The following SH3BGRL2 variants were observed in gnomAD, a reference collection of about 807,000 sequenced individuals.
The protein encoded by SH3BGRL2 is SH3 domain-binding glutamic acid-rich-like protein 2.
Under a neutral mutation model 14.8 loss-of-function variants are expected in SH3BGRL2, and 21 were observed. The observed-to-expected ratio is 1.42, with a 90% CI of 1.01 to 2.05. The LOEUF is 2.05. Among genes scored for constraint, SH3BGRL2 ranks in the 30% most tolerant of loss-of-function variants. SH3BGRL2 has a pLI of 0.00. For synonymous variants in SH3BGRL2, 50 were observed against 47.8 expected, an observed-to-expected ratio of 1.05 and a Z score of -0.19; for missense variants, 147 against 130.8, an observed-to-expected ratio of 1.12 and a Z score of -0.61.
chr6:79,610,896 G>A, the SH3BGRL2 span, among the ~76,000 whole-genome samples: 2 of 152,150 alleles, frequency 1.3e-5, no homozygotes, highest in Non-Finnish European at 2.9e-5. Flanking sequence ...GCCATATATG[G>A]CACATAGTAG....
the SH3BGRL2 span, chr6:79,575,134 C>A: frequency 1.3e-5 from 2 of 152,216 alleles, no homozygotes; most frequent in Non-Finnish European, 2.9e-5. Flanking sequence ...AGAACTACAG[C>A]CATCTCTCAT....
chr6:79,670,261 G>T (rs1248292908), intron 1 of SH3BGRL2, among the ~76,000 whole-genome samples: 2 of 152,210 alleles, frequency 1.3e-5, no homozygotes, highest in South Asian at 4.1e-4. Context: ...CAGTGGGCTG[G>T]ATTTGGGCCT....
chr6:79,581,724 C>T, the SH3BGRL2 span, among the ~76,000 whole-genome samples: 26 of 152,174 alleles, frequency 1.7e-4, no homozygotes, highest in East Asian at 1.7e-3. Context: ...CTTTGAAAAC[C>T]GGCACAAAAC....
chr6:79,682,276 T>C (rs976214171), intron 2 of SH3BGRL2, among the ~76,000 whole-genome samples: 6 of 152,202 alleles, frequency 3.9e-5, no homozygotes, highest in African/African-American at 1.4e-4. Flanking sequence ...ATTTGCTTTA[T>C]ATATTGCCTC....
chr6:79,538,867 T>C, the SH3BGRL2 span, among the ~76,000 whole-genome samples: 10 of 152,230 alleles, frequency 6.6e-5, no homozygotes, highest in African/African-American at 2.4e-4. Flanking sequence ...TTGTTTATAC[T>C]TGAGAAAGCA....
the SH3BGRL2 span, among the ~76,000 whole-genome samples, chr6:79,538,018 G>GTTTTTTTTTTTTTTTTTTTT: frequency 1.4e-4 from 6 of 44,146 alleles, 2 homozygotes; most frequent in Non-Finnish European, 2.5e-4. Context: ...TTGCACACAA[G>GTTTTTTTTTTTTTTTTTTTT]TTTTTTTTTT....
At chr6:79,539,243 G>C in the SH3BGRL2 span, among the ~76,000 whole-genome samples, 1 of 152,100 alleles carries the variant, frequency 6.6e-6, no homozygotes, top group Non-Finnish European at 1.5e-5. Context: ...CCCAAAATAT[G>C]AGAAAGCAGT....
At chr6:79,679,867 AT>A (rs1478465944) in intron 2 of SH3BGRL2, among the ~76,000 whole-genome samples, 1 of 152,190 alleles carries the variant, frequency 6.6e-6, no homozygotes, top group East Asian at 1.9e-4. Flanking sequence ...TTTGTTAGCC[AT>A]TTGTATATTA....
chr6:79,690,590 C>T (rs995267153), intron 2 of SH3BGRL2, among the ~76,000 whole-genome samples: 2 of 152,066 alleles, frequency 1.3e-5, no homozygotes, highest in Non-Finnish European at 2.9e-5. Flanking sequence ...TATTCTGATA[C>T]AGAAAGAAAG....
At chr6:79,681,775 C>T (rs1003224542) in intron 2 of SH3BGRL2, among the ~76,000 whole-genome samples, 1 of 151,932 alleles carries the variant, frequency 6.6e-6, no homozygotes, top group South Asian at 2.1e-4. Flanking sequence ...AGAACCTAAT[C>T]CCATTATTAC....
chr6:79,569,957 A>C, the SH3BGRL2 span, among the ~76,000 whole-genome samples: 1 of 152,182 alleles, frequency 6.6e-6, no homozygotes, highest in Non-Finnish European at 1.5e-5. Context: ...TGTCAATGGG[A>C]ACACGCAGAA....
At chr6:79,590,467 G>T in the SH3BGRL2 span, among the ~76,000 whole-genome samples, 2 of 63,402 alleles carry the variant, frequency 3.2e-5, 1 homozygote, top group East Asian at 1.5e-3. Context: ...ATATATATGC[G>T]CCATGGAATA....
At chr6:79,634,769 A>G (rs1328309460) in intron 1 of SH3BGRL2, among the ~76,000 whole-genome samples, 11 of 152,204 alleles carry the variant, frequency 7.2e-5, no homozygotes, top group Admixed American at 7.2e-4. Context: ...TTCTTGCAGG[A>G]ACATTCTTAC....
intron 1 of SH3BGRL2, among the ~76,000 whole-genome samples, chr6:79,670,962 A>T (rs553416937): frequency 6.6e-6 from 1 of 151,138 alleles, no homozygotes; most frequent in East Asian, 1.9e-4. Context: ...CATTGGTCAG[A>T]ACTGTGTCAT....
At chr6:79,681,060 C>A (rs1183984248) in intron 2 of SH3BGRL2, among the ~76,000 whole-genome samples, 1 of 152,120 alleles carries the variant, frequency 6.6e-6, no homozygotes, top group Admixed American at 6.5e-5. Flanking sequence ...AGAAAAAACA[C>A]AGTGGCTAAT....
the SH3BGRL2 span, among the ~76,000 whole-genome samples, chr6:79,570,708 GAGATA>G: frequency 3.3e-5 from 5 of 152,164 alleles, no homozygotes; most frequent in African/African-American, 4.8e-5. Context: ...TCCAAGGCTA[GAGATA>G]AGATGTTAAC....
At chr6:79,537,653 G>A in the SH3BGRL2 span, among the ~76,000 whole-genome samples, 2 of 152,210 alleles carry the variant, frequency 1.3e-5, no homozygotes, top group Non-Finnish European at 2.9e-5. Context: ...GGGCTGTGCG[G>A]TGCCAGGGCT....
chr6:79,646,081 T>A (rs1044899433), intron 1 of SH3BGRL2, among the ~76,000 whole-genome samples: 1 of 152,206 alleles, frequency 6.6e-6, no homozygotes, highest in African/African-American at 2.4e-5. Context: ...TATAAAGCAG[T>A]TTGCCTTATT....
the SH3BGRL2 span, among the ~76,000 whole-genome samples, chr6:79,546,699 C>CTT: frequency 8.3e-4 from 119 of 143,880 alleles, no homozygotes; most frequent in African/African-American, 2.7e-3. Context: ...AGTAGCAACT[C>CTT]TTTTTTTTTT....
Sources: gnomAD v4.1 joint callset for allele counts (sites outside exome capture counted in the v4.1 genomes callset) on GRCh38, gnomAD v4.1.1 for gene constraint, MANE v1.5 for transcripts, NCBI Gene and HGNC (gene_info 2026-07-23, HGNC 2026-07-21) for gene names.